The following OR4K1 variants were observed in gnomAD, a reference collection of about 807,000 sequenced individuals.
OR4K1 encodes olfactory receptor family 4 subfamily K member 1.
A neutral mutation model predicts 14.4 loss-of-function variants in OR4K1; 16 were observed. The ratio of observed to expected loss-of-function variants is 1.11; its 90% CI spans 0.75 to 1.68. The LOEUF (loss-of-function observed/expected upper bound fraction) is 1.68, where lower values mean the gene tolerates loss of function less well. Among genes scored for constraint, OR4K1 ranks in the 40% most tolerant of loss-of-function variants. The probability of loss-of-function intolerance (pLI) is 0.00; values close to 1 mark genes in which losing one functional copy is unlikely to be tolerated. For synonymous variants in OR4K1, 181 were observed against 133.1 expected, an observed-to-expected ratio of 1.36 and a Z score of -2.48; for missense variants, 548 against 376.9, an observed-to-expected ratio of 1.45 and a Z score of -3.76.
At chr14:19,934,928 C>T (rs1594455984) in intron 1 of OR4K1, among the ~76,000 whole-genome samples, 1 of 152,308 alleles carries the variant, frequency 6.6e-6, no homozygotes. Flanking sequence ...CTGCCTTGGC[C>T]TCTCAAAGTG....
chr14:19,933,104 CA>C (rs1882222571), intron 1 of OR4K1, among the ~76,000 whole-genome samples: 1 of 151,540 alleles, frequency 6.6e-6, no homozygotes. Context: ...TCACAAATGA[CA>C]TTTCAATTAT....
At chr14:19,930,648 A>G (rs1053658051), upstream of OR4K1, among the ~76,000 whole-genome samples, 2 of 152,360 alleles carry the variant, frequency 1.3e-5, no homozygotes, top group Non-Finnish European at 2.9e-5. Flanking sequence ...ATACCTGAAT[A>G]CTTCCTTTGC....
intron 1 of OR4K1, among the ~76,000 whole-genome samples, chr14:19,931,756 C>T (rs1469971859): frequency 1.3e-5 from 2 of 152,154 alleles, no homozygotes; most frequent in Admixed American, 1.3e-4. Context: ...ATTTTGGGAT[C>T]TGAAAACACT....
chr14:19,921,155 A>G, the OR4K1 span: 5 of 1,614,044 alleles, frequency 3.1e-6, no homozygotes, highest in African/African-American at 4.0e-5. Context: ...ATCTTCCTCG[A>G]GTCACCAAAC....
the OR4K1 span, among the ~76,000 whole-genome samples, chr14:19,922,946 CTTTT>C: frequency 1.3e-5 from 2 of 152,144 alleles, no homozygotes; most frequent in Non-Finnish European, 2.9e-5. Context: ...TTTTTGGTAT[CTTTT>C]TTTGTGTGTA....
At position 19,936,079 on chromosome 14, in the gene OR4K1, G is replaced by A. The variant is rs3916626; in HGVS notation, c.413G>A (p.Arg138Gln). ...CTGCACTACAGTACAATTATGAACC[G>A]GAGGCTCTGTGTAATTTTTGTGTCT... is the stretch of plus-strand genomic sequence containing the variant. Reference protein sequence around the residue: ...KPLHYSTIMNRRLCVIFVSIS... With the variant: ...KPLHYSTIMNQRLCVIFVSIS... Residue 138 changes from arginine to glutamine, a missense_variant, in exon 2 of 2, where the codon CGG (arginine) becomes CAG (glutamine). Arg to Gln is a conservative substitution (Grantham distance 43). Coordinates refer to ENST00000641172, the MANE Select transcript of OR4K1 (RefSeq NM_001004063.3). 0.043 allele frequency: 68,789 copies of A among 1,607,534 alleles called. 4,598 individuals are homozygous for A. The East Asian group carries it at 0.47, about 11-fold the overall frequency.
intron 1 of OR4K1, among the ~76,000 whole-genome samples, chr14:19,933,751 C>T (rs968986311): frequency 2.0e-5 from 3 of 152,148 alleles, no homozygotes; most frequent in Non-Finnish European, 4.4e-5. Context: ...TGCCACCACA[C>T]TAATTTTGTA....
intron 1 of OR4K1, among the ~76,000 whole-genome samples, chr14:19,935,358 C>G (rs1281355106): frequency 6.6e-6 from 1 of 152,204 alleles, no homozygotes; most frequent in African/African-American, 2.4e-5. Context: ...TCATGTATTT[C>G]ACTTATACTT....
Position 19,935,686 on chromosome 14 carries a change from C to G in OR4K1, c.20C>G (p.Ser7Trp), listed in dbSNP as rs146809169. 5.0e-6 allele frequency: 8 copies of G among 1,600,844 alleles called. No individual in the cohort carries two copies. The East Asian group carries it at 1.8e-4, about 36-fold the overall frequency. The part of the protein sequence containing the change: MAHTNE[S>W]MVSEFVLLGL... Reference sequence around the variant, plus strand: ...GGATACATGGCTCACACAAATGAATCGATGGTGTCTGAGTTTGTACTTTTG... The same window carrying G: ...GGATACATGGCTCACACAAATGAATGGATGGTGTCTGAGTTTGTACTTTTG... Residue 7 changes from serine (S) to tryptophan (W), a missense_variant, in exon 2 of 2, where the codon TCG (serine) becomes TGG (tryptophan). Ser to Trp is a radical substitution (Grantham distance 177). Transcript: ENST00000641172.
At chr14:19,932,058 T>C (rs1217513705) in intron 1 of OR4K1, among the ~76,000 whole-genome samples, 1 of 152,232 alleles carries the variant, frequency 6.6e-6, no homozygotes, top group Non-Finnish European at 1.5e-5. Context: ...ACCTGATCTG[T>C]TCTACTTGCA....
At chr14:19,924,400 C>CAAAAAAAAAAAAAAAAA in the OR4K1 span, among the ~76,000 whole-genome samples, 124 of 79,254 alleles carry the variant, frequency 1.6e-3, 3 homozygotes, top group African/African-American at 2.2e-3. Flanking sequence ...AACTCCGTAT[C>CAAAAAAAAAAAAAAAAA]AAAAAAAAAA....
intron 1 of OR4K1, among the ~76,000 whole-genome samples, chr14:19,933,630 TCACCCAGG>T (rs1358417660): frequency 6.6e-6 from 1 of 152,100 alleles, no homozygotes; most frequent in Non-Finnish European, 1.5e-5. Flanking sequence ...TCTCACTCCA[TCACCCAGG>T]CTGGAGTGCA....
intron 1 of OR4K1, among the ~76,000 whole-genome samples, chr14:19,931,662 T>C (rs989152557): frequency 6.6e-6 from 1 of 152,232 alleles, no homozygotes; most frequent in Non-Finnish European, 1.5e-5. Flanking sequence ...ATTGACACAT[T>C]GTATAGTAGA....
chr14:19,920,432 C>T, the OR4K1 span: 2 of 671,588 alleles, frequency 3.0e-6, no homozygotes, highest in Middle Eastern at 2.8e-4. Context: ...TTCCTATTAT[C>T]CACCTATCCA....
At chr14:19,934,629 T>C (rs375219958) in intron 1 of OR4K1, among the ~76,000 whole-genome samples, 52 of 152,352 alleles carry the variant, frequency 3.4e-4, no homozygotes, top group African/African-American at 1.1e-3. Flanking sequence ...TTCTCTATTA[T>C]AGCAAATTGT....
chr14:19,921,851 T>C, the OR4K1 span, among the ~76,000 whole-genome samples: 1 of 152,198 alleles, frequency 6.6e-6, no homozygotes, highest in Non-Finnish European at 1.5e-5. Context: ...TAAATGTAAA[T>C]ATCAAGAAAA....
Position 19,936,070 on chromosome 14 carries a change from T to A in OR4K1, c.404T>A (p.Ile135Asn). 1 of 1,614,262 alleles carries A rather than the reference T, an allele frequency of 6.2e-7. No individual in the cohort carries two copies. The highest frequency in any genetic ancestry group is 8.5e-7 in the Non-Finnish European group (1 of 1,180,044). ...TGTAAGCCTCTGCACTACAGTACAA[T>A]TATGAACCGGAGGCTCTGTGTAATT... ...AICKPLHYSTIMNRRLCVIFV... is the reference protein window; with the variant it reads ...AICKPLHYSTNMNRRLCVIFV... The change falls in exon 2 of 2, where the codon ATT (isoleucine) becomes AAT (asparagine). Residue 135 changes from isoleucine (I) to asparagine (N), a missense_variant. Physicochemically the swap from Ile to Asn is moderately radical, Grantham distance 149. Coordinates refer to ENST00000641172, the MANE Select transcript of OR4K1 (RefSeq NM_001004063.3).
intron 1 of OR4K1, 66 bp downstream of exon 1, chr14:19,931,211 T>C (rs1421541761): frequency 1.3e-5 from 2 of 152,272 alleles, no homozygotes; most frequent in Non-Finnish European, 1.5e-5. Context: ...AGATCTCTTA[T>C]AGATGCAAAA....
chr14:19,933,111 A>G (rs1043496928), intron 1 of OR4K1, among the ~76,000 whole-genome samples: 1 of 151,726 alleles, frequency 6.6e-6, no homozygotes, highest in African/African-American at 2.4e-5. Flanking sequence ...TGACATTTCA[A>G]TTATGGAGTT....
Sources: allele counts gnomAD v4.1 joint callset (sites outside exome capture counted in the v4.1 genomes callset), GRCh38; gene constraint gnomAD v4.1.1; transcripts MANE v1.5; gene names NCBI Gene and HGNC (gene_info 2026-07-23, HGNC 2026-07-21).